DOP1A: variants seen among roughly 807,000 people sequenced by gnomAD.
DOP1A encodes the protein protein DOP1A.
DOP1A carries 90 observed loss-of-function variants against 267.6 expected under a neutral mutation model. That is an observed-to-expected ratio of 0.34 (90% CI 0.28 to 0.40). The LOEUF (loss-of-function observed/expected upper bound fraction) is 0.40, where lower values mean the gene tolerates loss of function less well. Ranked by LOEUF, DOP1A falls within the 10% of genes least tolerant of loss-of-function variation. The probability of loss-of-function intolerance (pLI) is 1.00; values close to 1 mark genes in which losing one functional copy is unlikely to be tolerated. For missense variants in DOP1A, 2,437 were observed against 2,900.4 expected, an observed-to-expected ratio of 0.84 and a Z score of 3.67; for synonymous variants, 932 against 999.1, an observed-to-expected ratio of 0.93 and a Z score of 1.27.
chr6:83,093,854 C>T (rs1051423160), intron 1 of DOP1A, among the ~76,000 whole-genome samples: 5 of 152,124 alleles, frequency 3.3e-5, no homozygotes, highest in Non-Finnish European at 7.3e-5. Context: ...TGCAGTGAGC[C>T]GAGATGGCGC....
intron 14 of DOP1A, 128 bp from the exon 15 acceptor site, chr6:83,125,372 T>A: frequency 9.8e-7 from 1 of 1,020,006 alleles, no homozygotes; most frequent in Non-Finnish European, 1.4e-6. Flanking sequence ...TATACAGTGT[T>A]AATTAAGAGC....
At chr6:83,080,799 A>T (rs1653759545) in intron 1 of DOP1A, among the ~76,000 whole-genome samples, 1 of 152,132 alleles carries the variant, frequency 6.6e-6, no homozygotes, top group Non-Finnish European at 1.5e-5. Flanking sequence ...TATTGAATTA[A>T]AATCCCTGTT....
chr6:83,125,368 G>T, intron 14 of DOP1A, 132 bp from the exon 15 acceptor site: 1 of 1,011,558 alleles, frequency 9.9e-7, no homozygotes, highest in Admixed American at 2.7e-5. Flanking sequence ...AAAATATACA[G>T]TGTTAATTAA....
chr6:83,088,119 C>G (rs575134803), intron 1 of DOP1A, among the ~76,000 whole-genome samples: 2 of 152,000 alleles, frequency 1.3e-5, no homozygotes, highest in Admixed American at 6.6e-5. Context: ...TGATCTACCC[C>G]TCTCGGTCTC....
At chr6:83,158,703 A>G in intron 36 of DOP1A, 81 bp downstream of exon 36, 1 of 946,798 alleles carries the variant, frequency 1.1e-6, no homozygotes, top group Non-Finnish European at 1.6e-6. Context: ...ATCTAGGAGA[A>G]TATAGTCTTT....
intron 37 of DOP1A, among the ~76,000 whole-genome samples, chr6:83,162,332 G>A (rs995795260): frequency 6.6e-5 from 10 of 151,982 alleles, no homozygotes; most frequent in Admixed American, 2.0e-4. Flanking sequence ...TCTTAAATTC[G>A]TTCAATTTTT....
chr6:83,134,083 C>A, intron 18 of DOP1A, 104 bp from the exon 19 acceptor site: 1 of 751,850 alleles, frequency 1.3e-6, no homozygotes, highest in Non-Finnish European at 2.0e-6. Context: ...ATATTGTGGA[C>A]GTTGAACGTA....
Position 83,158,474 on chromosome 6 carries a change from T to C in DOP1A, c.6742-93T>C, listed in dbSNP as rs933183558. The C allele has an allele frequency of 9.4e-5, 91 of 964,760 alleles. No homozygotes were observed. The African/African-American group carries it at 1.4e-3, about 15-fold the overall frequency. 59.8% of individuals were successfully genotyped at this position (964,760 alleles called of 1,614,324 possible). A position where few individuals can be genotyped will look rare whatever the true frequency, so the allele number is the denominator to read the frequency against. ...AGATTCTGAAAATGTATTCTAAAATTTGTTTTTGCGTTAATGAAAATACAA... is the reference window on the plus strand; with the variant it reads ...AGATTCTGAAAATGTATTCTAAAATCTGTTTTTGCGTTAATGAAAATACAA... On this transcript the variant is annotated intron_variant, in intron 35 of 38. Transcript: ENST00000349129.
intron 4 of DOP1A, among the ~76,000 whole-genome samples, chr6:83,103,969 A>C (rs1489315544): frequency 6.6e-6 from 1 of 152,202 alleles, no homozygotes. Flanking sequence ...AACTTTCTAA[A>C]TGGTATCTTT....
Position 83,162,929 on chromosome 6 carries a change from T to A in DOP1A, c.7092+10T>A. ...TCGGAAAAGAGCAAAGGTATCGCATTCTTTTGTGATTGTTTTGTTTTACAT... is the reference window on the plus strand; with the variant it reads ...TCGGAAAAGAGCAAAGGTATCGCATACTTTTGTGATTGTTTTGTTTTACAT... On this transcript the variant is annotated intron_variant, in intron 38 of 38. Transcript: ENST00000349129. The A allele has an allele frequency of 1.2e-6, 2 of 1,607,614 alleles. No individual in the cohort carries two copies. Among genetic ancestry groups the A allele is most frequent in the Non-Finnish European group, 1.7e-6 (2 of 1,176,520 alleles).
In DOP1A at chr6:83,140,322, A is replaced by G. The variant is rs980614625; in HGVS notation, c.5334A>G (p.Ile1778Met). ...IMSSVTLLWS[I>M]LHQADSSEKM... ...CCTCTGTGACACTGCTTTGGAGCAT[A>G]CTGCATCAAGCTGATTCTTCAGAAA... Residue 1778 changes from isoleucine to methionine, a missense_variant, in exon 23 of 39, where the codon ATA (isoleucine) becomes ATG (methionine). Ile to Met is a conservative substitution (Grantham distance 10). Transcript: ENST00000349129. The G allele has an allele frequency of 1.2e-5, 20 of 1,613,566 alleles. No individual in the cohort carries two copies. Among genetic ancestry groups the G allele is most frequent in the Non-Finnish European group, 1.6e-5 (19 of 1,179,872 alleles).
intron 38 of DOP1A, chr6:83,166,039 C>A: frequency 3.6e-6 from 1 of 278,896 alleles, no homozygotes; most frequent in South Asian, 5.8e-5. Context: ...TGGTCATCGC[C>A]AGTTGTCGTA....
chr6:83,120,208 T>C (rs1776151425), intron 9 of DOP1A, among the ~76,000 whole-genome samples: 2 of 152,090 alleles, frequency 1.3e-5, no homozygotes, highest in African/African-American at 4.8e-5. Context: ...TATTTCATAT[T>C]ATTTTTAATT....
downstream of DOP1A, chr6:83,169,123 A>G: frequency 6.6e-7 from 1 of 1,515,420 alleles, no homozygotes; most frequent in Non-Finnish European, 8.8e-7. Flanking sequence ...ACAATCCAGT[A>G]GGCTGCATTG....
intron 1 of DOP1A, among the ~76,000 whole-genome samples, chr6:83,090,181 T>G (rs915710291): frequency 6.6e-6 from 1 of 152,358 alleles, no homozygotes; most frequent in Admixed American, 6.5e-5. Context: ...CTGAGCACTC[T>G]GATAACTTTA....
At position 83,162,930 on chromosome 6, in the gene DOP1A, C is replaced by G. The variant is rs368176580; in HGVS notation, c.7092+11C>G. Reference sequence around the variant, plus strand: ...CGGAAAAGAGCAAAGGTATCGCATTCTTTTGTGATTGTTTTGTTTTACATC... The same window carrying G: ...CGGAAAAGAGCAAAGGTATCGCATTGTTTTGTGATTGTTTTGTTTTACATC... On this transcript the variant is annotated intron_variant, in intron 38 of 38. Coordinates refer to ENST00000349129, the MANE Select transcript of DOP1A (RefSeq NM_015018.4). The G allele has an allele frequency of 3.1e-6, 5 of 1,606,472 alleles. No homozygotes were observed. In the African/African-American group the frequency reaches 4.0e-5, roughly 13 times the overall value.
chr6:83,152,827 A>G (rs559820377), intron 30 of DOP1A, among the ~76,000 whole-genome samples: 9 of 152,158 alleles, frequency 5.9e-5, no homozygotes, highest in African/African-American at 2.2e-4. Flanking sequence ...CAGTTTGGCC[A>G]GGCTGGTCTC....
In DOP1A at chr6:83,130,154, C is replaced by T. The variant is rs775413092; in HGVS notation, c.2373C>T (p.Leu791=). The T allele has an allele frequency of 1.2e-6, 2 of 1,614,026 alleles. No homozygotes were observed. Among genetic ancestry groups the T allele is most frequent in the Non-Finnish European group, 1.7e-6 (2 of 1,179,940 alleles). The change falls in exon 17 of 39, where the codon CTC becomes CTT. Residue 791 remains leucine (L), a synonymous_variant. Transcript: ENST00000349129. The part of the protein sequence containing the change: ...DCEHVQPPQW[L]QTLMNACSQA... ...AGCATGTGCAGCCTCCACAGTGGCT[C>T]CAGACTCTGATGAATGCTTGCAGCC...
intron 24 of DOP1A, among the ~76,000 whole-genome samples, chr6:83,144,173 G>C (rs777351575): frequency 6.6e-6 from 1 of 152,112 alleles, no homozygotes; most frequent in Non-Finnish European, 1.5e-5. Context: ...TAACTCCACC[G>C]GAGGAGGAAT....
Sources: gnomAD v4.1 joint callset for allele counts (sites outside exome capture counted in the v4.1 genomes callset) on GRCh38, gnomAD v4.1.1 for gene constraint, MANE v1.5 for transcripts, NCBI Gene and HGNC (gene_info 2026-07-23, HGNC 2026-07-21) for gene names.